Variants in TCF4 observed in about 807,000 individuals in gnomAD.
TCF4 encodes the protein transcription factor 4, also known as SL3-3 enhancer factor 2.
Under a neutral mutation model 82.1 loss-of-function variants are expected in TCF4, and 3 were observed. The ratio of observed to expected loss-of-function variants is 0.04; its 90% CI spans 0.02 to 0.09. TCF4 has a LOEUF of 0.09. TCF4 is among the 10% of genes least tolerant of loss of function. TCF4 has a pLI of 1.00. For missense variants in TCF4, 518 were observed against 852.7 expected, an observed-to-expected ratio of 0.61 and a Z score of 4.89; for synonymous variants, 276 against 309.6, an observed-to-expected ratio of 0.89 and a Z score of 1.14.
At chr18:55,346,890 T>C (rs1361745875) in intron 8 of TCF4, among the ~76,000 whole-genome samples, 41 of 152,196 alleles carry the variant, frequency 2.7e-4, no homozygotes, top group Non-Finnish European at 1.5e-5. Flanking sequence ...ATTTTAGTAC[T>C]TTCATGTTAA....
At chr18:55,592,286 C>T (rs1447433372), upstream of TCF4, among the ~76,000 whole-genome samples, 1 of 152,180 alleles carries the variant, frequency 6.6e-6, no homozygotes, top group African/African-American at 2.4e-5. Context: ...GTGACTTCAA[C>T]AGCAGACATT....
chr18:55,377,400 G>A (rs2145762590), intron 6 of TCF4, among the ~76,000 whole-genome samples: 1 of 152,236 alleles, frequency 6.6e-6, no homozygotes, highest in South Asian at 2.1e-4. Context: ...ATTTCTAAGA[G>A]CTTCCTCTAC....
intron 8 of TCF4, chr18:55,321,886 T>C (rs1204801969): frequency 2.8e-6 from 4 of 1,410,882 alleles, no homozygotes; most frequent in Non-Finnish European, 3.7e-6. Flanking sequence ...AAGAGACCAT[T>C]CCTGGCGGGC....
At chr18:55,311,447 G>T (rs147304163) in intron 8 of TCF4, among the ~76,000 whole-genome samples, 1 of 152,126 alleles carries the variant, frequency 6.6e-6, no homozygotes, top group Non-Finnish European at 1.5e-5. Context: ...AATCAAAAGC[G>T]TTTCCAGATA....
chr18:55,602,043 C>T (rs1292034308), intron 2 of TCF4, among the ~76,000 whole-genome samples: 1 of 152,152 alleles, frequency 6.6e-6, no homozygotes. Context: ...TTTCACATCA[C>T]TATACATAGG....
Position 55,587,944 on chromosome 18 carries a change from G to A in TCF4, c.-21+94C>T, listed in dbSNP as rs1026845670. The A allele has an allele frequency of 4.3e-3, 3,882 of 893,070 alleles. 13 individuals are homozygous for A. The highest frequency in any genetic ancestry group is 4.9e-3 in the Non-Finnish European group (3,664 of 748,898). 55.3% of individuals were successfully genotyped at this position (893,070 alleles called of 1,614,324 possible). A position where few individuals can be genotyped will look rare whatever the true frequency, so the allele number is the denominator to read the frequency against. The stretch of plus-strand genomic sequence containing the variant: ...GCCGGGCGCCGGGAGCCCGCGGCGC[G>A]GGAGGCGCGGAGCCGCGTGCGGGGC... On this transcript the variant is annotated intron_variant, in intron 1 of 19. Transcript: ENST00000354452.
chr18:55,525,236 C>CAAAAAAAAAAAAAAAAAAA (rs537933999), intron 3 of TCF4, among the ~76,000 whole-genome samples: 1 of 142,278 alleles, frequency 7.0e-6, no homozygotes. Flanking sequence ...CATTTTGAAT[C>CAAAAAAAAAAAAAAAAAAA]AAAAAAAAAA....
rs761424512 is a variant in TCF4 at position 55,403,428 on chromosome 18, C to G, written c.369+26G>C. The G allele has an allele frequency of 3.1e-6, 5 of 1,613,168 alleles. No homozygotes were observed. In the Admixed American group the frequency reaches 8.3e-5, roughly 27 times the overall value. The stretch of plus-strand genomic sequence containing the variant: ...ATTTACCAGGTTAATCCTCTCAACC[C>G]TTCCGCAACAGAGATTCTCACTTAC... On this transcript the variant is annotated intron_variant, in intron 6 of 19. Transcript: ENST00000354452.
At chr18:55,510,225 C>T (rs2096810953) in intron 3 of TCF4, among the ~76,000 whole-genome samples, 1 of 152,080 alleles carries the variant, frequency 6.6e-6, no homozygotes, top group African/African-American at 2.4e-5. Context: ...CTCAGTCTGC[C>T]CCTTAGACTG....
chr18:55,477,364 T>G (rs1192660289), intron 3 of TCF4, among the ~76,000 whole-genome samples: 1 of 152,264 alleles, frequency 6.6e-6, no homozygotes, highest in African/African-American at 2.4e-5. Flanking sequence ...CACCCTTTCA[T>G]GCTATTACGA....
intron 8 of TCF4, among the ~76,000 whole-genome samples, chr18:55,319,154 A>C (rs965563410): frequency 6.6e-6 from 1 of 152,218 alleles, no homozygotes; most frequent in African/African-American, 2.4e-5. Context: ...AGACATGCAC[A>C]TACACACAAA....
chr18:55,505,948 A>G (rs912201941), intron 3 of TCF4, among the ~76,000 whole-genome samples: 1 of 152,220 alleles, frequency 6.6e-6, no homozygotes, highest in Non-Finnish European at 1.5e-5. Flanking sequence ...TTACTGCAAA[A>G]ATGAAAAATA....
intron 3 of TCF4, among the ~76,000 whole-genome samples, chr18:55,540,647 G>C (rs1415426121): frequency 3.3e-5 from 5 of 151,930 alleles, no homozygotes; most frequent in Non-Finnish European, 2.9e-5. Context: ...CATAGAATTA[G>C]GCAGTTTTAT....
At chr18:55,359,693 G>A (rs1271257905) in intron 6 of TCF4, among the ~76,000 whole-genome samples, 2 of 152,082 alleles carry the variant, frequency 1.3e-5, no homozygotes, top group African/African-American at 4.8e-5. Context: ...CCTCTGGAGT[G>A]GTTTTTAAGA....
chr18:55,586,372 G>C (rs2097651104), intron 2 of TCF4: 1 of 574,934 alleles, frequency 1.7e-6, no homozygotes, highest in African/African-American at 1.8e-5. Context: ...CTGGGACTTG[G>C]TTTAGGAAAA....
At chr18:55,231,480 G>A (rs754663168) in intron 17 of TCF4, 16 of 152,198 alleles carry the variant, frequency 1.1e-4, no homozygotes, top group South Asian at 2.1e-4. Flanking sequence ...TCTCAACAGC[G>A]AATGAAAATG....
At chr18:55,426,631 T>C (rs567631734) in intron 5 of TCF4, among the ~76,000 whole-genome samples, 3 of 152,338 alleles carry the variant, frequency 2.0e-5, no homozygotes, top group African/African-American at 7.2e-5. Context: ...TTGCTTAGTG[T>C]ATATTTGTGA....
At chr18:55,375,323 C>T (rs1025067453) in intron 6 of TCF4, among the ~76,000 whole-genome samples, 1 of 152,070 alleles carries the variant, frequency 6.6e-6, no homozygotes, top group Non-Finnish European at 1.5e-5. Flanking sequence ...CAAGCATACA[C>T]ATATATTTCT....
At chr18:55,264,803 C>G (rs1160050609) in intron 11 of TCF4, 1 of 152,010 alleles carries the variant, frequency 6.6e-6, no homozygotes, top group Non-Finnish European at 1.5e-5. Flanking sequence ...AATTTTGGCT[C>G]TAATCAATTT....
Sources: gnomAD v4.1 joint callset for allele counts (sites outside exome capture counted in the v4.1 genomes callset) on GRCh38, gnomAD v4.1.1 for gene constraint, MANE v1.5 for transcripts, NCBI Gene and HGNC (gene_info 2026-07-23, HGNC 2026-07-21) for gene names.